SCHIP1: variants seen among roughly 807,000 people sequenced by gnomAD.
SCHIP1 encodes the protein schwannomin interacting protein 1.
A neutral mutation model predicts 29.7 loss-of-function variants in SCHIP1; 8 were observed. The observed-to-expected ratio is 0.27, with a 90% CI of 0.16 to 0.49. SCHIP1 has a LOEUF of 0.49. SCHIP1 is among the 20% of genes least tolerant of loss of function. The probability of loss-of-function intolerance (pLI) is 0.99; values close to 1 mark genes in which losing one functional copy is unlikely to be tolerated. For synonymous variants in SCHIP1, 76 were observed against 94.9 expected, an observed-to-expected ratio of 0.80 and a Z score of 1.16; for missense variants, 193 against 294.6, an observed-to-expected ratio of 0.66 and a Z score of 2.52.
chr3:159,668,166 G>A, the SCHIP1 span, among the ~76,000 whole-genome samples: 1 of 151,942 alleles, frequency 6.6e-6, no homozygotes, highest in African/African-American at 2.4e-5. Context: ...TCAGGAGATT[G>A]AGACCATCCT....
chr3:159,363,629 A>C, the SCHIP1 span, among the ~76,000 whole-genome samples: 2 of 152,196 alleles, frequency 1.3e-5, no homozygotes, highest in Admixed American at 1.3e-4. Context: ...CCAACAAAAC[A>C]CCCACCAACC....
the SCHIP1 span, among the ~76,000 whole-genome samples, chr3:159,524,817 A>G: frequency 6.6e-6 from 1 of 152,252 alleles, no homozygotes; most frequent in South Asian, 2.1e-4. Context: ...CATTCTGCAC[A>G]GAGCTATTCC....
chr3:159,804,742 C>T, the SCHIP1 span, among the ~76,000 whole-genome samples: 2 of 152,234 alleles, frequency 1.3e-5, no homozygotes, highest in Admixed American at 1.3e-4. Flanking sequence ...TGGTTGGCTC[C>T]TGGTTAGGAA....
intron 1 of SCHIP1, among the ~76,000 whole-genome samples, chr3:159,863,817 A>G (rs1391355887): frequency 2.0e-5 from 3 of 152,216 alleles, no homozygotes; most frequent in Non-Finnish European, 2.9e-5. Flanking sequence ...AAGAACTGCA[A>G]TTAATGTAAA....
the SCHIP1 span, among the ~76,000 whole-genome samples, chr3:159,600,045 T>C: frequency 6.6e-6 from 1 of 152,218 alleles, no homozygotes; most frequent in African/African-American, 2.4e-5. Context: ...TCCCATTCTC[T>C]TCTGGCCTGT....
the SCHIP1 span, among the ~76,000 whole-genome samples, chr3:159,805,735 T>C: frequency 1.3e-5 from 2 of 151,404 alleles, no homozygotes; most frequent in African/African-American, 2.4e-5. Flanking sequence ...GTTGTTCAGC[T>C]CTCCTTTCCT....
chr3:159,452,947 A>G, the SCHIP1 span, among the ~76,000 whole-genome samples: 2 of 152,244 alleles, frequency 1.3e-5, no homozygotes, highest in African/African-American at 4.8e-5. Context: ...GGCTCAGCCT[A>G]GAAAACCAAA....
At chr3:159,286,075 CTTTTA>C in the SCHIP1 span, among the ~76,000 whole-genome samples, 7 of 151,594 alleles carry the variant, frequency 4.6e-5, no homozygotes, top group Admixed American at 4.6e-4. Context: ...GTATTTTTTA[CTTTTA>C]TTTTAAATTC....
At chr3:159,829,708 T>C in the SCHIP1 span, among the ~76,000 whole-genome samples, 1 of 152,196 alleles carries the variant, frequency 6.6e-6, no homozygotes, top group East Asian at 1.9e-4. Flanking sequence ...TACTGGCCTT[T>C]CTAAAAAATT....
chr3:159,609,424 G>C, the SCHIP1 span, among the ~76,000 whole-genome samples: 3 of 152,194 alleles, frequency 2.0e-5, no homozygotes, highest in African/African-American at 7.2e-5. Context: ...TAATGGCAAA[G>C]GCTATTAGTT....
At chr3:159,830,801 C>T in the SCHIP1 span, among the ~76,000 whole-genome samples, 194 of 152,272 alleles carry the variant, frequency 1.3e-3, 1 homozygote, top group African/African-American at 4.5e-3. Context: ...TTAAGATGTT[C>T]AGATCACACA....
the SCHIP1 span, among the ~76,000 whole-genome samples, chr3:159,822,012 G>T: frequency 6.6e-6 from 1 of 152,220 alleles, no homozygotes. Flanking sequence ...ATTTCATCAC[G>T]CTATTTAGAA....
At chr3:159,551,333 T>C in the SCHIP1 span, among the ~76,000 whole-genome samples, 1 of 152,172 alleles carries the variant, frequency 6.6e-6, no homozygotes, top group Admixed American at 6.5e-5. Flanking sequence ...AATATAATAA[T>C]ATGCACCACA....
chr3:159,607,895 A>C, the SCHIP1 span, among the ~76,000 whole-genome samples: 30 of 152,314 alleles, frequency 2.0e-4, no homozygotes, highest in Middle Eastern at 0.01. Context: ...GGAAGGAAAA[A>C]AAGCTGAGTG....
the SCHIP1 span, among the ~76,000 whole-genome samples, chr3:159,562,086 T>G: frequency 6.6e-6 from 1 of 152,192 alleles, no homozygotes; most frequent in Admixed American, 6.5e-5. Context: ...CCTTTAAGCC[T>G]CTGAATGCTC....
chr3:159,724,575 C>T, the SCHIP1 span, among the ~76,000 whole-genome samples: 3 of 152,210 alleles, frequency 2.0e-5, no homozygotes, highest in Admixed American at 2.0e-4. Flanking sequence ...ACCCACCTCC[C>T]TTTTCCAGTA....
chr3:159,692,454 A>G, the SCHIP1 span, among the ~76,000 whole-genome samples: 1 of 152,094 alleles, frequency 6.6e-6, no homozygotes, highest in Non-Finnish European at 1.5e-5. Flanking sequence ...TCTTGTCTTC[A>G]CACTTTATTT....
the SCHIP1 span, among the ~76,000 whole-genome samples, chr3:159,771,293 A>T: frequency 6.6e-6 from 1 of 152,366 alleles, no homozygotes; most frequent in African/African-American, 2.4e-5. Flanking sequence ...TTTAAATTAC[A>T]CAAGTGTCTG....
the SCHIP1 span, among the ~76,000 whole-genome samples, chr3:159,303,450 A>AAGAGAGAG: frequency 6.8e-6 from 1 of 148,032 alleles, no homozygotes; most frequent in African/African-American, 2.5e-5. Flanking sequence ...GAGAGAGAGA[A>AAGAGAGAG]AGAGAGAGAG....
Sources: gnomAD v4.1 joint callset for allele counts (sites outside exome capture counted in the v4.1 genomes callset) on GRCh38, gnomAD v4.1.1 for gene constraint, MANE v1.5 for transcripts, NCBI Gene and HGNC (gene_info 2026-07-23, HGNC 2026-07-21) for gene names.